The following IFNG-AS1 variants were observed in gnomAD, a reference collection of about 807,000 sequenced individuals.
IFNG-AS1 encodes IFNG antisense RNA 1 (non-protein coding).
intron 2 of IFNG-AS1, among the ~76,000 whole-genome samples, chr12:67,996,960 C>A (rs1284304543): frequency 6.6e-6 from 1 of 151,946 alleles, no homozygotes; most frequent in Non-Finnish European, 1.5e-5. Flanking sequence ...TTAACTAAAA[C>A]AATAAGATAA....
chr12:68,002,299 A>C (rs1879788280), intron 2 of IFNG-AS1, among the ~76,000 whole-genome samples: 1 of 152,216 alleles, frequency 6.6e-6, no homozygotes, highest in Non-Finnish European at 1.5e-5. Context: ...GCACACACCC[A>C]GCACTGCCCT....
At chr12:68,006,362 T>C (rs1879905375) in intron 3 of IFNG-AS1, among the ~76,000 whole-genome samples, 1 of 152,214 alleles carries the variant, frequency 6.6e-6, no homozygotes, top group South Asian at 2.1e-4. Context: ...AAGAAGGAAA[T>C]TTTTATGTAT....
chr12:67,989,599 A>G (rs1451702627), intron 1 of IFNG-AS1: 1 of 152,230 alleles, frequency 6.6e-6, no homozygotes, highest in East Asian at 1.9e-4. Flanking sequence ...TTTTTCATGA[A>G]AATGCTGTTT....
intron 3 of IFNG-AS1, among the ~76,000 whole-genome samples, chr12:68,007,197 G>A (rs987556581): frequency 2.9e-4 from 44 of 152,100 alleles, no homozygotes; most frequent in Non-Finnish European, 4.4e-4. Flanking sequence ...ATTATGAAAC[G>A]AAGATAAACA....
intron 2 of IFNG-AS1, among the ~76,000 whole-genome samples, chr12:67,997,353 G>A (rs1008419579): frequency 1.3e-5 from 2 of 151,976 alleles, no homozygotes; most frequent in African/African-American, 4.8e-5. Flanking sequence ...AAGTACATAT[G>A]GAAATTTAGT....
chr12:67,991,218 C>T (rs1879503494), intron 1 of IFNG-AS1, among the ~76,000 whole-genome samples: 1 of 152,156 alleles, frequency 6.6e-6, no homozygotes, highest in South Asian at 2.1e-4. Flanking sequence ...TGTAAAACTG[C>T]TCCTAGCTTT....
chr12:67,999,718 A>G (rs1879723932), intron 2 of IFNG-AS1, among the ~76,000 whole-genome samples: 1 of 152,238 alleles, frequency 6.6e-6, no homozygotes, highest in African/African-American at 2.4e-5. Flanking sequence ...CAAATAAATT[A>G]TTAAAGTAAA....
At chr12:67,993,622 A>T (rs1371895151) in intron 1 of IFNG-AS1, among the ~76,000 whole-genome samples, 1 of 152,236 alleles carries the variant, frequency 6.6e-6, no homozygotes, top group Non-Finnish European at 1.5e-5. Flanking sequence ...ACTTAAAAAT[A>T]TATTTCTGAT....
chr12:67,990,267 T>G (rs1879473683), intron 1 of IFNG-AS1, among the ~76,000 whole-genome samples: 1 of 152,264 alleles, frequency 6.6e-6, no homozygotes, highest in African/African-American at 2.4e-5. Context: ...GACTTCTTAA[T>G]GTTCTTTTTT....
intron 3 of IFNG-AS1, among the ~76,000 whole-genome samples, chr12:68,006,549 G>A (rs1431293520): frequency 6.6e-6 from 1 of 152,154 alleles, no homozygotes; most frequent in Non-Finnish European, 1.5e-5. Flanking sequence ...CTGCCCGGGT[G>A]TTTCATCCAT....
intron 1 of IFNG-AS1, among the ~76,000 whole-genome samples, chr12:67,995,016 T>C (rs1485426381): frequency 6.6e-6 from 1 of 152,192 alleles, no homozygotes; most frequent in African/African-American, 2.4e-5. Context: ...CAATAAACAA[T>C]TACTTTTATT....
intron 2 of IFNG-AS1, among the ~76,000 whole-genome samples, chr12:67,996,882 G>A (rs1879654027): frequency 6.6e-6 from 1 of 151,980 alleles, no homozygotes; most frequent in Non-Finnish European, 1.5e-5. Flanking sequence ...ACTACTATAA[G>A]AAATAAATCA....
intron 1 of IFNG-AS1, among the ~76,000 whole-genome samples, chr12:67,992,826 T>C (rs1879547704): frequency 6.6e-6 from 1 of 152,218 alleles, no homozygotes. Context: ...AGGTAAATTG[T>C]TTGCAAAAGT....
At chr12:67,989,595 A>G (rs912619362) in intron 1 of IFNG-AS1, 2 of 152,260 alleles carry the variant, frequency 1.3e-5, no homozygotes, top group Non-Finnish European at 2.9e-5. Context: ...AACATTTTTC[A>G]TGAAAATGCT....
intron 1 of IFNG-AS1, among the ~76,000 whole-genome samples, chr12:67,994,063 G>A (rs895855502): frequency 7.9e-5 from 12 of 152,178 alleles, no homozygotes; most frequent in African/African-American, 2.7e-4. Flanking sequence ...TTGTGGCATG[G>A]GGAATAATTT....
intron 3 of IFNG-AS1, among the ~76,000 whole-genome samples, chr12:68,015,701 A>C (rs140558781): frequency 5.9e-4 from 90 of 152,340 alleles, no homozygotes; most frequent in African/African-American, 2.1e-3. Context: ...TATAGTAAAG[A>C]GGAGTCAAAG....
chr12:68,002,348 G>T (rs1393591367), intron 2 of IFNG-AS1, among the ~76,000 whole-genome samples: 1 of 152,210 alleles, frequency 6.6e-6, no homozygotes, highest in Non-Finnish European at 1.5e-5. Flanking sequence ...TGTTGATGTT[G>T]TGTCAATGGA....
intron 2 of IFNG-AS1, among the ~76,000 whole-genome samples, chr12:68,002,119 T>C (rs1414287462): frequency 1.3e-5 from 2 of 152,236 alleles, no homozygotes; most frequent in Non-Finnish European, 2.9e-5. Flanking sequence ...AATCTTTATC[T>C]AGCAAAACAG....
At chr12:68,018,940 G>A (rs571972067) in intron 3 of IFNG-AS1, among the ~76,000 whole-genome samples, 1 of 152,120 alleles carries the variant, frequency 6.6e-6, no homozygotes, top group African/African-American at 2.4e-5. Flanking sequence ...TTTTTACCAC[G>A]CCTTTGAGTG....
Sources: allele counts gnomAD v4.1 joint callset (sites outside exome capture counted in the v4.1 genomes callset), GRCh38; gene constraint gnomAD v4.1.1; transcripts MANE v1.5; gene names NCBI Gene and HGNC (gene_info 2026-07-23, HGNC 2026-07-21).